VRK1: variants seen among roughly 807,000 people sequenced by gnomAD.
The protein encoded by VRK1 is serine/threonine-protein kinase VRK1.
In VRK1, 33 loss-of-function variants were observed where a neutral mutation model predicts 57.1. That is an observed-to-expected ratio of 0.58 (90% CI 0.44 to 0.77). The LOEUF (loss-of-function observed/expected upper bound fraction) is 0.77. VRK1 is among the 30% of genes least tolerant of loss of function. The probability of loss-of-function intolerance (pLI) is 0.00; values close to 1 mark genes in which losing one functional copy is unlikely to be tolerated. For missense variants in VRK1, 413 were observed against 477.3 expected, an observed-to-expected ratio of 0.87 and a Z score of 1.25; for synonymous variants, 137 against 147.8, an observed-to-expected ratio of 0.93 and a Z score of 0.53.
intron 1 of VRK1, among the ~76,000 whole-genome samples, chr14:96,809,622 G>A (rs1461785899): frequency 6.7e-6 from 1 of 150,086 alleles, no homozygotes; most frequent in Non-Finnish European, 1.5e-5. Flanking sequence ...ACCCAGGCTG[G>A]AGTGCAGTGG....
At chr14:96,868,801 CTTT>C (rs34215586) in intron 11 of VRK1, among the ~76,000 whole-genome samples, 215 of 124,306 alleles carry the variant, frequency 1.7e-3, no homozygotes, top group Non-Finnish European at 2.9e-3. Context: ...CATTTCTGTG[CTTT>C]TTTTTTTTTT....
chr14:96,813,877 G>C (rs568306517), intron 1 of VRK1, among the ~76,000 whole-genome samples: 5 of 152,176 alleles, frequency 3.3e-5, no homozygotes, highest in Non-Finnish European at 5.9e-5. Context: ...TGGTTGTAAG[G>C]CCGTGGACAA....
chr14:96,842,435 A>G (rs1471255565), intron 3 of VRK1, among the ~76,000 whole-genome samples: 1 of 152,232 alleles, frequency 6.6e-6, no homozygotes, highest in East Asian at 1.9e-4. Flanking sequence ...TTCAAAGAAC[A>G]TGTACTACTC....
intron 1 of VRK1, among the ~76,000 whole-genome samples, chr14:96,824,631 T>A (rs1366756331): frequency 6.6e-6 from 1 of 151,808 alleles, no homozygotes; most frequent in Non-Finnish European, 1.5e-5. Context: ...GAAAGGATGA[T>A]AGCAGAGATA....
chr14:96,814,111 G>A (rs1886305620), intron 1 of VRK1, among the ~76,000 whole-genome samples: 1 of 152,232 alleles, frequency 6.6e-6, no homozygotes, highest in Admixed American at 6.5e-5. Context: ...TCGATTCTTT[G>A]TGATATAGAT....
intron 10 of VRK1, among the ~76,000 whole-genome samples, chr14:96,859,730 G>T (rs1002825733): frequency 6.6e-6 from 1 of 152,100 alleles, no homozygotes; most frequent in Non-Finnish European, 1.5e-5. Flanking sequence ...ATTCAAGGGT[G>T]ACTAACTCAG....
Position 96,797,402 on chromosome 14 carries a change from GCGGGAAGTT to G in VRK1, c.-48_-40del, listed in dbSNP as rs1217171055. Reference sequence around the variant, plus strand: ...GCCGAGTTACGAGTCGGCGAAAGCGGCGGGAAGTTCGTACTGGGCAGAACGCGACGGGTC... The same window carrying G: ...GCCGAGTTACGAGTCGGCGAAAGCGGCGTACTGGGCAGAACGCGACGGGTC... On this transcript the variant is annotated 5_prime_UTR_variant, in exon 1 of 13. Transcript: ENST00000216639. The G allele has an allele frequency of 6.6e-6, 1 of 152,196 alleles. No homozygotes were observed. The highest frequency in any genetic ancestry group is 2.4e-5 in the African/African-American group (1 of 41,446). The allele number at this position is 152,196 out of a possible 1,614,324, so 9.4% of individuals were successfully genotyped here.
intron 9 of VRK1, 103 bp from the exon 10 acceptor site, chr14:96,856,425 A>G (rs1888156141): frequency 2.2e-6 from 3 of 1,347,882 alleles, no homozygotes; most frequent in Non-Finnish European, 2.1e-6. Context: ...GTCTGTAAGC[A>G]TATTTAGGAT....
In VRK1 at chr14:96,852,109, C is replaced by A. The variant is rs565481676; in HGVS notation, c.375-722C>A. Among the ~76,000 whole-genome samples, 72 of 152,260 alleles carry A rather than the reference C, an allele frequency of 4.7e-4. 3 individuals are homozygous for A. The highest frequency in any genetic ancestry group is 4.6e-3 in the Admixed American group (71 of 15,300). On this transcript the variant is annotated intron_variant, in intron 5 of 12. Coordinates refer to ENST00000216639, the MANE Select transcript of VRK1 (RefSeq NM_003384.3). ...CTTTTCTGTACATACTGAAATATAA[C>A]GTGATTATTGAATCTGAGTTTTGGG...
chr14:96,860,412 C>A, intron 10 of VRK1, 145 bp from the exon 11 acceptor site: 3 of 731,168 alleles, frequency 4.1e-6, no homozygotes, highest in Admixed American at 3.1e-5. Context: ...CAAAAGCATA[C>A]TTTTCATTGA....
chr14:96,868,046 G>A (rs373375253), intron 11 of VRK1, among the ~76,000 whole-genome samples: 8 of 152,122 alleles, frequency 5.3e-5, no homozygotes, highest in Middle Eastern at 3.4e-3. Context: ...TTTTAATAGT[G>A]TATACCTCAG....
At chr14:96,834,150 G>A (rs975947865) in intron 2 of VRK1, among the ~76,000 whole-genome samples, 1 of 152,056 alleles carries the variant, frequency 6.6e-6, no homozygotes, top group African/African-American at 2.4e-5. Flanking sequence ...TTGGGGACCC[G>A]TTGTGGAATC....
intron 2 of VRK1, among the ~76,000 whole-genome samples, chr14:96,834,462 A>G (rs1887136427): frequency 6.6e-6 from 1 of 152,190 alleles, no homozygotes; most frequent in Non-Finnish European, 1.5e-5. Context: ...CGAATCAGAA[A>G]CTGTAGGGAG....
intron 1 of VRK1, among the ~76,000 whole-genome samples, chr14:96,799,947 C>CTTTT (rs776080402): frequency 7.7e-6 from 1 of 130,194 alleles, no homozygotes; most frequent in Non-Finnish European, 1.6e-5. Context: ...TAGTGTACGT[C>CTTTT]TTTTTTTTTT....
intron 1 of VRK1, among the ~76,000 whole-genome samples, chr14:96,829,694 A>G (rs1886933180): frequency 6.6e-6 from 1 of 152,188 alleles, no homozygotes; most frequent in South Asian, 2.1e-4. Flanking sequence ...CAAGTATCAC[A>G]ATATGATTTC....
At chr14:96,820,625 A>G (rs546660806) in intron 1 of VRK1, among the ~76,000 whole-genome samples, 3 of 152,224 alleles carry the variant, frequency 2.0e-5, no homozygotes, top group Non-Finnish European at 1.5e-5. Flanking sequence ...CATAGTCTAA[A>G]ATAAACAAAA....
At chr14:96,851,516 T>C (rs1887948950) in intron 5 of VRK1, among the ~76,000 whole-genome samples, 1 of 152,228 alleles carries the variant, frequency 6.6e-6, no homozygotes, top group African/African-American at 2.4e-5. Context: ...TATTAAAAGA[T>C]GTTTAGACAA....
Position 96,853,142 on chromosome 14 carries a change from T to G in VRK1, c.552T>G (p.Leu184=). The change falls in exon 7 of 13, where the codon CTT becomes CTG. Residue 184 remains leucine, a synonymous_variant. Coordinates refer to ENST00000216639, the MANE Select transcript of VRK1 (RefSeq NM_003384.3). Reference sequence around the variant, plus strand: ...GAGATATCAAGGCCTCAAATCTTCTTCTGAACTACAAGAATCCTGACCAGG... The same window carrying G: ...GAGATATCAAGGCCTCAAATCTTCTGCTGAACTACAAGAATCCTGACCAGG... ...VHGDIKASNL[L]LNYKNPDQVY... 6.2e-7 allele frequency: 1 copy of G among 1,613,734 alleles called. No individual in the cohort carries two copies. Among genetic ancestry groups the G allele is most frequent in the African/African-American group, 1.3e-5 (1 of 75,044 alleles).
intron 1 of VRK1, among the ~76,000 whole-genome samples, chr14:96,801,002 A>G (rs1014281546): frequency 2.0e-5 from 3 of 152,108 alleles, no homozygotes; most frequent in Admixed American, 6.6e-5. Context: ...CCTGCAGGGG[A>G]CTAAACATGA....
Sources: allele counts gnomAD v4.1 joint callset (sites outside exome capture counted in the v4.1 genomes callset), GRCh38; gene constraint gnomAD v4.1.1; transcripts MANE v1.5; gene names NCBI Gene and HGNC (gene_info 2026-07-23, HGNC 2026-07-21).